FBXW11: variants seen among roughly 807,000 people sequenced by gnomAD.
FBXW11 encodes the protein F-box/WD repeat-containing protein 11.
Under a neutral mutation model 77.6 loss-of-function variants are expected in FBXW11, and 19 were observed. The observed-to-expected ratio is 0.24, with a 90% CI of 0.17 to 0.36. The LOEUF (loss-of-function observed/expected upper bound fraction) is 0.36. FBXW11 is among the 10% of genes least tolerant of loss of function. FBXW11 has a pLI of 1.00. For synonymous variants in FBXW11, 235 were observed against 249.4 expected (o/e 0.94, Z 0.54); for missense variants, 334 against 704.2 (o/e 0.47, Z 5.95).
intron 4 of FBXW11, among the ~76,000 whole-genome samples, chr5:171,905,601 T>TCC (rs1760451292): frequency 9.7e-6 from 1 of 102,716 alleles, no homozygotes; most frequent in Non-Finnish European, 2.1e-5. Flanking sequence ...CCCCCCCCCT[T>TCC]TATTTTCTTG....
chr5:172,006,435 A>G, intron 1 of FBXW11, 23 bp downstream of exon 1: 1 of 1,531,416 alleles, frequency 6.5e-7, no homozygotes, highest in Non-Finnish European at 8.8e-7. Flanking sequence ...GGAAGCACAG[A>G]CGGTCCAGCG....
At chr5:171,964,236 C>G (rs574973697) in intron 1 of FBXW11, among the ~76,000 whole-genome samples, 1 of 152,204 alleles carries the variant, frequency 6.6e-6, no homozygotes, top group African/African-American at 2.4e-5. Context: ...TTTCTCCCCC[C>G]ACAAAACTTC....
chr5:171,914,056 A>G (rs186485737), intron 3 of FBXW11, among the ~76,000 whole-genome samples: 1 of 152,334 alleles, frequency 6.6e-6, no homozygotes, highest in East Asian at 1.9e-4. Context: ...TCTGGTGACA[A>G]AGGATGCCAT....
At chr5:171,995,440 C>G (rs1055318859) in intron 1 of FBXW11, among the ~76,000 whole-genome samples, 2 of 152,004 alleles carry the variant, frequency 1.3e-5, no homozygotes, top group African/African-American at 4.8e-5. Flanking sequence ...ATTAAATGGG[C>G]TGGGCGCGGT....
intron 1 of FBXW11, among the ~76,000 whole-genome samples, chr5:171,974,443 GAA>G (rs1159401667): frequency 2.8e-5 from 3 of 106,600 alleles, no homozygotes; most frequent in African/African-American, 1.0e-4. Context: ...TCAAAAAAAA[GAA>G]AAAAAAAAAA....
At chr5:171,886,274 G>A (rs1758867827) in intron 7 of FBXW11, among the ~76,000 whole-genome samples, 1 of 152,146 alleles carries the variant, frequency 6.6e-6, no homozygotes. Flanking sequence ...CCTTTGCAGG[G>A]ACATGGATGA....
intron 1 of FBXW11, 101 bp downstream of exon 1, chr5:172,006,357 T>A: frequency 9.1e-7 from 1 of 1,096,894 alleles, no homozygotes; most frequent in Non-Finnish European, 1.3e-6. Context: ...TCGAGGCGTC[T>A]GGGAAGGGCC....
chr5:171,911,293 G>A (rs977995722), intron 3 of FBXW11, among the ~76,000 whole-genome samples: 2 of 152,120 alleles, frequency 1.3e-5, no homozygotes, highest in African/African-American at 4.8e-5. Context: ...ATAACAGGAG[G>A]GATTGTTAAA....
intron 1 of FBXW11, among the ~76,000 whole-genome samples, chr5:172,004,414 T>C (rs1446552940): frequency 1.3e-5 from 2 of 152,220 alleles, no homozygotes; most frequent in African/African-American, 4.8e-5. Context: ...GGCTGAAATC[T>C]CTTTTCTGAT....
At chr5:171,899,699 A>AT (rs67236716) in intron 5 of FBXW11, among the ~76,000 whole-genome samples, 131,262 of 152,164 alleles carry the variant, frequency 0.86, 57,863 homozygotes, top group East Asian at 1. Context: ...GCCAAATCCC[A>AT]TCAAACTATA....
intron 1 of FBXW11, among the ~76,000 whole-genome samples, chr5:171,958,457 C>T (rs1763730612): frequency 6.6e-6 from 1 of 152,148 alleles, no homozygotes; most frequent in Admixed American, 6.5e-5. Flanking sequence ...ATTTAAAATG[C>T]ATGATTTTCA....
At chr5:171,952,447 A>ATATTT (rs1200841290) in intron 2 of FBXW11, among the ~76,000 whole-genome samples, 1 of 6,942 alleles carries the variant, frequency 1.4e-4, no homozygotes, top group African/African-American at 3.4e-4. Context: ...ATATATATAT[A>ATATTT]TTTTTTTTTT....
chr5:171,899,145 A>C (rs769073142), intron 5 of FBXW11, 51 bp from the exon 6 acceptor site: 3 of 1,183,994 alleles, frequency 2.5e-6, no homozygotes. Context: ...AAAAGGGTGA[A>C]TTTTATCTAA....
At chr5:171,880,132 G>A (rs906706862) in intron 7 of FBXW11, among the ~76,000 whole-genome samples, 4 of 152,196 alleles carry the variant, frequency 2.6e-5, no homozygotes, top group African/African-American at 9.7e-5. Context: ...TCTATGTCTA[G>A]ACTGTTTAAG....
intron 4 of FBXW11, among the ~76,000 whole-genome samples, chr5:171,909,711 G>A (rs574939837): frequency 1.3e-5 from 2 of 151,926 alleles, no homozygotes; most frequent in African/African-American, 2.4e-5. Context: ...GTGTGTGCAC[G>A]TGCGCGCGTG....
At chr5:171,928,063 C>T (rs537778518) in intron 2 of FBXW11, among the ~76,000 whole-genome samples, 1 of 152,202 alleles carries the variant, frequency 6.6e-6, no homozygotes, top group East Asian at 1.9e-4. Flanking sequence ...ATTCTCAAAC[C>T]TTCACTACAA....
At chr5:171,864,370 A>G (rs1193559716) in intron 13 of FBXW11, among the ~76,000 whole-genome samples, 1 of 152,264 alleles carries the variant, frequency 6.6e-6, no homozygotes, top group Non-Finnish European at 1.5e-5. Flanking sequence ...TTTGGTTCAA[A>G]GAGTCAACAA....
chr5:171,975,623 C>A (rs1283068859), intron 1 of FBXW11, among the ~76,000 whole-genome samples: 1 of 152,184 alleles, frequency 6.6e-6, no homozygotes, highest in African/African-American at 2.4e-5. Flanking sequence ...AAATTAATCA[C>A]CTCCAGTTCC....
At chr5:172,002,320 A>C (rs73329866) in intron 1 of FBXW11, among the ~76,000 whole-genome samples, 10,621 of 152,236 alleles carry the variant, frequency 0.07, 464 homozygotes, top group African/African-American at 0.11. Context: ...ATCTGAAAGG[A>C]TATCTAACCT....
Sources: gnomAD v4.1 joint callset for allele counts (sites outside exome capture counted in the v4.1 genomes callset) on GRCh38, gnomAD v4.1.1 for gene constraint, MANE v1.5 for transcripts, NCBI Gene and HGNC (gene_info 2026-07-23, HGNC 2026-07-21) for gene names.